PURG: variants seen among roughly 807,000 people sequenced by gnomAD.
The protein encoded by PURG is purine-rich element-binding protein gamma.
In PURG, 3 loss-of-function variants were observed where a neutral mutation model predicts 24.3. That is an observed-to-expected ratio of 0.12 (90% CI 0.06 to 0.32). PURG has a LOEUF of 0.32. Among genes scored for constraint, PURG ranks in the 10% least tolerant of loss-of-function variants. The pLI is 1.00. For synonymous variants in PURG, 180 were observed against 173.1 expected (o/e 1.04, Z -0.31); for missense variants, 371 against 439.1 (o/e 0.84, Z 1.39).
chr8:31,004,263 GT>G (rs1563303652), intron 1 of PURG, among the ~76,000 whole-genome samples: 1 of 152,136 alleles, frequency 6.6e-6, no homozygotes, highest in East Asian at 1.9e-4. Context: ...ATCAAAATGA[GT>G]TTCTAATAAT....
chr8:31,019,463 T>A lies in PURG; in HGVS notation c.864+12456A>T, dbSNP rs180806298. The stretch of plus-strand genomic sequence containing the variant: ...ATTCTCCTGCCTCAGCCTTCCAAGT[T>A]GCTGGGATTACAGGAGCCTGCCAAC... On this transcript the variant is annotated intron_variant, in intron 1 of 1. Coordinates refer to the PURG transcript ENST00000339382. Among the ~76,000 whole-genome samples the A allele has an allele frequency of 5.5e-3, 822 of 149,632 alleles. 5 individuals carry two copies. Among genetic ancestry groups the A allele is most frequent in the African/African-American group, 0.019 (793 of 40,748 alleles).
rs200922325 is a variant in PURG at position 31,032,078 on chromosome 8, G to A, written c.705C>T (p.Ala235=). The change falls in exon 2 of 2, where the codon GCC becomes GCT. Residue 235 remains alanine (A), a synonymous_variant. Transcript: ENST00000523392. The surrounding 1 kb of genome is among the most constrained non-coding windows in gnomAD (Gnocchi z 5.9). ...PAQGMIEFRD[A]LVQLIEDYGE... ...CATAGTCTTCAATCAGCTGAACCAA[G>A]GCATCACGAAACTCAATCATTCCTT... is the stretch of plus-strand genomic sequence containing the variant. The A allele has an allele frequency of 6.2e-6, 10 of 1,614,050 alleles. No individual in the cohort carries two copies. Among genetic ancestry groups the A allele is most frequent in the Non-Finnish European group, 8.5e-6 (10 of 1,180,040 alleles).
At chr8:31,030,046 T>A (rs1400250196), downstream of PURG, among the ~76,000 whole-genome samples, 1 of 151,906 alleles carries the variant, frequency 6.6e-6, no homozygotes, top group African/African-American at 2.4e-5. Context: ...TATGTCGGGG[T>A]TACTGATTGC....
intron 1 of PURG, among the ~76,000 whole-genome samples, chr8:31,006,872 C>A (rs1017271767): frequency 5.3e-5 from 8 of 152,116 alleles, no homozygotes; most frequent in African/African-American, 1.4e-4. Context: ...ATTACACATT[C>A]AATATGGTTA....
intron 1 of PURG, among the ~76,000 whole-genome samples, chr8:31,008,651 G>T (rs1270687541): frequency 6.6e-6 from 1 of 152,144 alleles, no homozygotes; most frequent in Non-Finnish European, 1.5e-5. Context: ...TTCTGTGAGG[G>T]CAGGGAACTT....
At chr8:31,026,006 T>G (rs1396317859), downstream of PURG, among the ~76,000 whole-genome samples, 1 of 151,894 alleles carries the variant, frequency 6.6e-6, no homozygotes. Flanking sequence ...ACCTATTTGC[T>G]TAAACTTGGA....
chr8:31,001,901 T>C (rs1328129736), intron 1 of PURG, among the ~76,000 whole-genome samples: 1 of 152,210 alleles, frequency 6.6e-6, no homozygotes, highest in African/African-American at 2.4e-5. Context: ...ATCCATATGA[T>C]GTGTTTTCCA....
intron 1 of PURG, among the ~76,000 whole-genome samples, chr8:31,003,034 G>T (rs1168903308): frequency 1.3e-5 from 2 of 152,164 alleles, no homozygotes; most frequent in Non-Finnish European, 2.9e-5. Flanking sequence ...ACTGTGAGTT[G>T]CCCTTCTGGG....
Position 31,032,173 on chromosome 8 carries a change from G to A in PURG, c.610C>T (p.Arg204Trp). 1.2e-6 allele frequency: 2 copies of A among 1,614,126 alleles called. No homozygotes were observed. The highest frequency in any genetic ancestry group is 2.2e-5 in the South Asian group (2 of 91,078). Residue 204 changes from arginine (R) to tryptophan (W), a missense_variant, in exon 2 of 2, where the codon CGG (arginine) becomes TGG (tryptophan). Transcript: ENST00000523392. This position sits in a 1 kb window ranked among gnomAD's most constrained non-coding sequence, Gnocchi z 5.9. ...RFLRIRQTMM[R>W]GTGMIGYFGH... ...AAATAACCTATCATGCCAGTCCCCC[G>A]CATCATGGTTTGTCTAATCCGTAGG...
At chr8:31,017,051 G>A (rs964581483) in intron 1 of PURG, among the ~76,000 whole-genome samples, 29 of 152,178 alleles carry the variant, frequency 1.9e-4, no homozygotes, top group Non-Finnish European at 3.7e-4. Flanking sequence ...CATTCCAGGT[G>A]AGTCACATGG....
At chr8:31,002,982 T>C (rs1328845490) in intron 1 of PURG, among the ~76,000 whole-genome samples, 3 of 152,336 alleles carry the variant, frequency 2.0e-5, no homozygotes, top group East Asian at 1.9e-4. Context: ...AAAGCACTTA[T>C]CAATCTTGAG....
At position 31,032,746 on chromosome 8, in the gene PURG, G is replaced by C. The variant is rs566964162; in HGVS notation, c.37C>G (p.Arg13Gly). The change falls in exon 2 of 2, where the codon CGC becomes GGC. Residue 13 changes from arginine (R) to glycine (G), a missense_variant. Transcript: ENST00000523392. This position sits in a 1 kb window ranked among gnomAD's most constrained non-coding sequence, Gnocchi z 5.9. ...RARRRGGGGG[R>G]GRGGKNVGGS... ...CCTACATTCTTGCCTCCGCGGCCGC[G>C]GCCGCCGCCGCCTCCCCTTCGCCTG... is the stretch of plus-strand genomic sequence containing the variant. The C allele has an allele frequency of 4.2e-6, 6 of 1,436,528 alleles. No homozygotes were observed. The South Asian group carries it at 4.7e-5, about 11-fold the overall frequency. 89.0% of individuals were successfully genotyped at this position (1,436,528 alleles called of 1,614,324 possible).
At chr8:31,006,838 TCA>T (rs775514719) in intron 1 of PURG, among the ~76,000 whole-genome samples, 52 of 152,210 alleles carry the variant, frequency 3.4e-4, no homozygotes, top group Non-Finnish European at 6.3e-4. Context: ...ATTTCTTACC[TCA>T]CACAGTGTCT....
intron 1 of PURG, among the ~76,000 whole-genome samples, chr8:31,001,784 C>T (rs16877634): frequency 0.012 from 1,863 of 152,284 alleles, 43 homozygotes; most frequent in African/African-American, 0.043. Context: ...TATTACTTGT[C>T]TTAAAGAATA....
chr8:31,021,063 T>C (rs1220349089), intron 1 of PURG, among the ~76,000 whole-genome samples: 1 of 152,092 alleles, frequency 6.6e-6, no homozygotes, highest in Non-Finnish European at 1.5e-5. Context: ...GAATTATCTG[T>C]TTATTGTACT....
rs867733864 is a variant in PURG, at chr8:31,032,772, G to C, written c.11C>G (p.Ala4Gly). Reference sequence around the variant, plus strand: ...GCCGCCGCCGCCTCCCCTTCGCCTGGCTCTTTCCATCTTCAGCTGCAAGTA... The same window carrying C: ...GCCGCCGCCGCCTCCCCTTCGCCTGCCTCTTTCCATCTTCAGCTGCAAGTA... MER[A>G]RRRGGGGGRG... is the part of the protein sequence containing the mutation. Residue 4 changes from alanine (A) to glycine (G), a missense_variant, in exon 2 of 2, where the codon GCC (alanine) becomes GGC (glycine). This residue lies in a region of PURG where 213 missense variants were observed against 230.6 expected (regional missense o/e 0.92). Coordinates refer to ENST00000523392, the MANE Select transcript of PURG (RefSeq NM_001323311.2). The surrounding 1 kb of genome is among the most constrained non-coding windows in gnomAD (Gnocchi z 5.9). 4 of 1,427,510 alleles carry C rather than the reference G, an allele frequency of 2.8e-6. No homozygotes were observed. In the African/African-American group the frequency reaches 5.8e-5, roughly 21 times the overall value. The allele number at this position is 1,427,510 out of a possible 1,614,324, so 88.4% of individuals were successfully genotyped here. A position where few individuals can be genotyped will look rare whatever the true frequency, so the allele number is the denominator to read the frequency against.
chr8:31,008,598 G>A (rs2129791798), intron 1 of PURG, among the ~76,000 whole-genome samples: 1 of 152,316 alleles, frequency 6.6e-6, no homozygotes. Flanking sequence ...CACTGCACCT[G>A]GTTGCATTTA....
At chr8:31,013,060 A>G (rs1365537702) in intron 1 of PURG, among the ~76,000 whole-genome samples, 1 of 152,228 alleles carries the variant, frequency 6.6e-6, no homozygotes, top group African/African-American at 2.4e-5. Context: ...ATATAAATAT[A>G]AAACATTTGC....
At chr8:31,013,560 A>G (rs1810802163) in intron 1 of PURG, among the ~76,000 whole-genome samples, 1 of 152,114 alleles carries the variant, frequency 6.6e-6, no homozygotes, top group Non-Finnish European at 1.5e-5. Flanking sequence ...AACATGGTGA[A>G]ACTTCCGTCT....
Sources: gnomAD v4.1 joint callset for allele counts (sites outside exome capture counted in the v4.1 genomes callset) on GRCh38, gnomAD v4.1.1 for gene constraint, gnomAD v4.1.1 regional missense constraint, Gnocchi (gnomAD v3.1) non-coding constraint, MANE v1.5 for transcripts, NCBI Gene and HGNC (gene_info 2026-07-23, HGNC 2026-07-21) for gene names.